ADAMTSL1: variants seen among roughly 807,000 people sequenced by gnomAD.
ADAMTSL1 encodes the protein ADAMTS like 1, also known as ADAMTS-like protein 1.
A neutral mutation model predicts 201.8 loss-of-function variants in ADAMTSL1; 126 were observed. The ratio of observed to expected loss-of-function variants is 0.62; its 90% CI spans 0.54 to 0.72. The LOEUF (loss-of-function observed/expected upper bound fraction) is 0.72, where lower values mean the gene tolerates loss of function less well. Among genes scored for constraint, ADAMTSL1 ranks in the 30% least tolerant of loss-of-function variants. The pLI is 0.00. For synonymous variants in ADAMTSL1, 1,121 were observed against 903.4 expected, an observed-to-expected ratio of 1.24 and a Z score of -4.32; for missense variants, 2,679 against 2,277.8, an observed-to-expected ratio of 1.18 and a Z score of -3.59.
At chr9:18,203,505 A>T (rs1188234071) in intron 2 of ADAMTSL1, among the ~76,000 whole-genome samples, 1 of 151,420 alleles carries the variant, frequency 6.6e-6, no homozygotes, top group African/African-American at 2.4e-5. Context: ...TAGGCTCAGG[A>T]TAGATACTAG....
At chr9:18,479,285 C>T (rs1484583646) in intron 1 of ADAMTSL1, among the ~76,000 whole-genome samples, 1 of 152,218 alleles carries the variant, frequency 6.6e-6, no homozygotes, top group East Asian at 1.9e-4. Flanking sequence ...AGAAGATGCC[C>T]AATGGCTGTA....
intron 14 of ADAMTSL1, among the ~76,000 whole-genome samples, chr9:18,713,496 CAAAG>C (rs1223045369): frequency 1.3e-5 from 2 of 151,938 alleles, no homozygotes; most frequent in African/African-American, 2.4e-5. Flanking sequence ...TCAAAAGAGA[CAAAG>C]AAGGCCATTA....
intron 15 of ADAMTSL1, among the ~76,000 whole-genome samples, chr9:18,730,940 G>A (rs1818182118): frequency 6.6e-6 from 1 of 152,228 alleles, no homozygotes; most frequent in African/African-American, 2.4e-5. Flanking sequence ...CTCTGCCCGA[G>A]TTGCCTGGAG....
At chr9:18,166,165 T>C (rs1350843431) in intron 2 of ADAMTSL1, among the ~76,000 whole-genome samples, 1 of 151,922 alleles carries the variant, frequency 6.6e-6, no homozygotes, top group Non-Finnish European at 1.5e-5. Context: ...TGCACACGTT[T>C]CACCTCCCCT....
At position 18,474,365 on chromosome 9, in the gene ADAMTSL1, G is replaced by A. The variant is rs182464276; in HGVS notation, c.63+70G>A. The A allele has an allele frequency of 1.6e-3, 2,294 of 1,449,388 alleles. 6 individuals carry two copies. The highest frequency in any genetic ancestry group is 2.0e-3 in the Non-Finnish European group (2,018 of 1,032,750). The allele number at this position is 1,449,388 out of a possible 1,614,324, so 89.8% of individuals were successfully genotyped here. On this transcript the variant is annotated intron_variant, in intron 1 of 28. Transcript: ENST00000380548. ...TGGGTGCTGTTGGGGGTGTGTGTGT[G>A]TATGTGTGTTTGTGTGTGTGTGTGT...
intron 13 of ADAMTSL1, among the ~76,000 whole-genome samples, chr9:18,703,122 T>C (rs1336160007): frequency 6.6e-6 from 1 of 152,168 alleles, no homozygotes; most frequent in East Asian, 1.9e-4. Flanking sequence ...ATGAAAGTGA[T>C]TAATGTACTG....
chr9:18,066,346 A>T (rs1424384174), intron 1 of ADAMTSL1, among the ~76,000 whole-genome samples: 7 of 152,204 alleles, frequency 4.6e-5, no homozygotes, highest in Admixed American at 3.9e-4. Context: ...TCAGTTACAT[A>T]GAGAAAGATA....
intron 1 of ADAMTSL1, among the ~76,000 whole-genome samples, chr9:17,917,277 TC>T (rs1826131516): frequency 6.6e-6 from 1 of 152,072 alleles, no homozygotes; most frequent in African/African-American, 2.4e-5. Context: ...CCTTCGAACC[TC>T]CAGTACAAGG....
chr9:18,336,000 A>G (rs1368678601), intron 2 of ADAMTSL1, among the ~76,000 whole-genome samples: 1 of 152,168 alleles, frequency 6.6e-6, no homozygotes, highest in African/African-American at 2.4e-5. Context: ...AGTGGCATTG[A>G]ATCAAGTCTC....
chr9:18,028,467 G>T (rs1373845848), intron 1 of ADAMTSL1, among the ~76,000 whole-genome samples: 1 of 152,036 alleles, frequency 6.6e-6, no homozygotes, highest in Non-Finnish European at 1.5e-5. Context: ...GGCTTGTAAG[G>T]TTTCTGCTCA....
chr9:17,960,000 C>G (rs995175393), intron 1 of ADAMTSL1, among the ~76,000 whole-genome samples: 3 of 152,094 alleles, frequency 2.0e-5, no homozygotes, highest in African/African-American at 7.2e-5. Flanking sequence ...ACAGAGAACC[C>G]AAAGTTGCAG....
At chr9:18,394,714 A>G (rs568167714) in intron 2 of ADAMTSL1, among the ~76,000 whole-genome samples, 1 of 152,338 alleles carries the variant, frequency 6.6e-6, no homozygotes, top group African/African-American at 2.4e-5. Context: ...ATTCATCATA[A>G]AGGCACACCA....
intron 2 of ADAMTSL1, among the ~76,000 whole-genome samples, chr9:18,387,789 G>A (rs1399554034): frequency 6.6e-6 from 1 of 152,064 alleles, no homozygotes; most frequent in Non-Finnish European, 1.5e-5. Context: ...CACTCTAGAA[G>A]TTGAGTGCAG....
At chr9:18,412,820 C>T (rs560359430) in intron 2 of ADAMTSL1, among the ~76,000 whole-genome samples, 15 of 152,248 alleles carry the variant, frequency 9.9e-5, no homozygotes, top group African/African-American at 3.4e-4. Context: ...CCAGGCTAAG[C>T]TATTTTTTTC....
At chr9:18,713,542 G>A (rs1481422465) in intron 14 of ADAMTSL1, among the ~76,000 whole-genome samples, 2 of 151,836 alleles carry the variant, frequency 1.3e-5, no homozygotes, top group Non-Finnish European at 2.9e-5. Context: ...TCAACAAGAA[G>A]AGCTAACTAT....
chr9:18,420,602 A>G (rs1176703783), intron 2 of ADAMTSL1, among the ~76,000 whole-genome samples: 1 of 152,046 alleles, frequency 6.6e-6, no homozygotes, highest in African/African-American at 2.4e-5. Flanking sequence ...CACCTGTGTT[A>G]TCTGGTGTAT....
intron 2 of ADAMTSL1, among the ~76,000 whole-genome samples, chr9:18,175,514 A>T (rs945974911): frequency 1.3e-5 from 2 of 152,182 alleles, no homozygotes; most frequent in African/African-American, 4.8e-5. Flanking sequence ...CCTTAGTCTG[A>T]TTCCTACTTA....
intron 1 of ADAMTSL1, among the ~76,000 whole-genome samples, chr9:17,957,734 T>C (rs1015039134): frequency 3.3e-5 from 5 of 152,156 alleles, no homozygotes; most frequent in South Asian, 2.1e-4. Context: ...TGATGACTGG[T>C]GTCCATGTAA....
chr9:18,531,840 A>T (rs1246591717), intron 2 of ADAMTSL1, among the ~76,000 whole-genome samples: 1 of 152,200 alleles, frequency 6.6e-6, no homozygotes, highest in East Asian at 1.9e-4. Flanking sequence ...CATTGTGATC[A>T]TGAGTGTGTG....
Sources: gnomAD v4.1 joint callset for allele counts (sites outside exome capture counted in the v4.1 genomes callset) on GRCh38, gnomAD v4.1.1 for gene constraint, MANE v1.5 for transcripts, NCBI Gene and HGNC (gene_info 2026-07-23, HGNC 2026-07-21) for gene names.